The following SUGCT variants were observed in gnomAD, a reference collection of about 807,000 sequenced individuals.
SUGCT encodes the protein succinyl-CoA:glutarate-CoA transferase.
A neutral mutation model predicts 55.0 loss-of-function variants in SUGCT; 41 were observed. That is an observed-to-expected ratio of 0.74 (90% CI 0.58 to 0.97). The LOEUF (loss-of-function observed/expected upper bound fraction) is 0.97. Ranked by LOEUF, SUGCT falls within the 50% of genes least tolerant of loss-of-function variation. SUGCT has a pLI of 0.00. For synonymous variants in SUGCT, 187 were observed against 200.4 expected (o/e 0.93, Z 0.56); for missense variants, 568 against 547.8 (o/e 1.04, Z -0.37).
In SUGCT at chr7:40,601,631, G is replaced by A. The variant is rs10230354; in HGVS notation, c.1089+105245G>A. 6.0e-3 allele frequency among the ~76,000 whole-genome samples: 906 copies of A among 152,190 alleles called. 10 individuals are homozygous for A. The highest frequency in any genetic ancestry group is 0.02 in the African/African-American group (847 of 41,514). On this transcript the variant is annotated intron_variant, in intron 12 of 13. Transcript: ENST00000335693. ...AGCAGCTCTGCATGAGAAAGCCTAA[G>A]CCTCTAAGACAAGCTTGTCCAACAT... is the stretch of plus-strand genomic sequence containing the variant.
intron 13 of SUGCT, among the ~76,000 whole-genome samples, chr7:40,751,762 G>A (rs1250523686): frequency 6.6e-6 from 1 of 152,138 alleles, no homozygotes; most frequent in Admixed American, 6.5e-5. Flanking sequence ...ACAGGGGTTG[G>A]TATCCCCAAC....
At chr7:40,608,042 A>G (rs1441674835) in intron 12 of SUGCT, among the ~76,000 whole-genome samples, 1 of 152,192 alleles carries the variant, frequency 6.6e-6, no homozygotes, top group Admixed American at 6.5e-5. Flanking sequence ...AGTTTCTGAT[A>G]TTCTGCATTA....
At chr7:40,351,659 A>G (rs949831815) in intron 9 of SUGCT, among the ~76,000 whole-genome samples, 1 of 152,240 alleles carries the variant, frequency 6.6e-6, no homozygotes, top group African/African-American at 2.4e-5. Context: ...TGTCAATAAA[A>G]CATTTATAAG....
the SUGCT span, among the ~76,000 whole-genome samples, chr7:40,911,839 C>T: frequency 6.6e-6 from 1 of 152,214 alleles, no homozygotes; most frequent in South Asian, 2.1e-4. Flanking sequence ...TCCCTGAGTT[C>T]ACATGCTGAA....
chr7:40,537,876 A>T (rs1794454720), intron 12 of SUGCT, among the ~76,000 whole-genome samples: 1 of 152,206 alleles, frequency 6.6e-6, no homozygotes, highest in South Asian at 2.1e-4. Flanking sequence ...TTGATGTTTC[A>T]GGAAGTTGAG....
At chr7:40,954,218 A>C in the SUGCT span, among the ~76,000 whole-genome samples, 4 of 152,172 alleles carry the variant, frequency 2.6e-5, no homozygotes, top group African/African-American at 9.7e-5. Flanking sequence ...GCTAGCAATG[A>C]GCGAGGCTCT....
At chr7:40,917,445 T>G in the SUGCT span, among the ~76,000 whole-genome samples, 1 of 152,146 alleles carries the variant, frequency 6.6e-6, no homozygotes, top group African/African-American at 2.4e-5. Flanking sequence ...AAGTTCAAGA[T>G]GAGAGGTCAA....
At chr7:40,508,301 G>A (rs1792722583) in intron 12 of SUGCT, among the ~76,000 whole-genome samples, 1 of 152,182 alleles carries the variant, frequency 6.6e-6, no homozygotes, top group African/African-American at 2.4e-5. Context: ...GGCCTGCCGT[G>A]CCTAAGGTAG....
chr7:40,958,530 T>G, the SUGCT span, among the ~76,000 whole-genome samples: 1 of 151,982 alleles, frequency 6.6e-6, no homozygotes, highest in Non-Finnish European at 1.5e-5. Flanking sequence ...TATGTTCTTC[T>G]CTAAACTGGT....
At chr7:40,638,857 C>T (rs1195402458) in intron 12 of SUGCT, among the ~76,000 whole-genome samples, 1 of 152,038 alleles carries the variant, frequency 6.6e-6, no homozygotes, top group African/African-American at 2.4e-5. Context: ...ACGTGTGCTG[C>T]AAGGCAAAGG....
At chr7:40,341,034 G>T (rs533914430) in intron 9 of SUGCT, among the ~76,000 whole-genome samples, 7 of 152,174 alleles carry the variant, frequency 4.6e-5, no homozygotes, top group African/African-American at 1.7e-4. Context: ...CCATTATGAG[G>T]GTCTGAAGAA....
intron 12 of SUGCT, among the ~76,000 whole-genome samples, chr7:40,573,550 AG>A (rs2151693935): frequency 6.6e-6 from 1 of 152,288 alleles, no homozygotes; most frequent in East Asian, 1.9e-4. Flanking sequence ...TAAGATTTAT[AG>A]GTGTATAATC....
At position 40,299,459 on chromosome 7, in the gene SUGCT, T is replaced by C. The variant is rs536668783; in HGVS notation, c.721-17301T>C. 2.0e-5 allele frequency among the ~76,000 whole-genome samples: 3 copies of C among 152,288 alleles called. No homozygotes were observed. The East Asian group carries it at 5.8e-4, about 29-fold the overall frequency. On this transcript the variant is annotated intron_variant, in intron 8 of 13. Coordinates refer to ENST00000335693, the MANE Select transcript of SUGCT (RefSeq NM_001193313.2). ...TTCTCATGGTGTAAACACTCCCACA[T>C]AGCTAATTTCAAGCCTCTACTATGA...
chr7:40,404,042 G>A, intron 9 of SUGCT, among the ~76,000 whole-genome samples: 1 of 152,146 alleles, frequency 6.6e-6, no homozygotes, highest in South Asian at 2.1e-4. Context: ...AAGGGATCAG[G>A]AAAAGGAACA....
the SUGCT span, among the ~76,000 whole-genome samples, chr7:40,975,320 T>C: frequency 2.0e-5 from 3 of 152,186 alleles, no homozygotes; most frequent in Admixed American, 6.5e-5. Flanking sequence ...CAGATCTCTA[T>C]ATGTGGATGA....
At chr7:40,464,629 C>G (rs1790001201) in intron 11 of SUGCT, among the ~76,000 whole-genome samples, 1 of 152,134 alleles carries the variant, frequency 6.6e-6, no homozygotes, top group Non-Finnish European at 1.5e-5. Flanking sequence ...AGAAACTGTA[C>G]TGTGAGCCTG....
chr7:40,242,317 G>C (rs1181029415), intron 7 of SUGCT, among the ~76,000 whole-genome samples: 1 of 151,970 alleles, frequency 6.6e-6, no homozygotes, highest in Non-Finnish European at 1.5e-5. Flanking sequence ...GGGATTATAG[G>C]CATGTGCCAC....
intron 12 of SUGCT, among the ~76,000 whole-genome samples, chr7:40,717,438 C>T (rs1054810904): frequency 6.6e-6 from 1 of 152,212 alleles, no homozygotes; most frequent in Non-Finnish European, 1.5e-5. Flanking sequence ...GCGTGAACTC[C>T]CCGTGGCCCC....
At chr7:40,977,913 C>T in the SUGCT span, among the ~76,000 whole-genome samples, 3 of 152,180 alleles carry the variant, frequency 2.0e-5, no homozygotes, top group Non-Finnish European at 4.4e-5. Context: ...GATCCAAAGC[C>T]TGCCTCTGTA....
Sources: allele counts gnomAD v4.1 joint callset (sites outside exome capture counted in the v4.1 genomes callset), GRCh38; gene constraint gnomAD v4.1.1; transcripts MANE v1.5; gene names NCBI Gene and HGNC (gene_info 2026-07-23, HGNC 2026-07-21).